The following AKT3 variants were observed in gnomAD, a reference collection of about 807,000 sequenced individuals.
AKT3 encodes AKT serine/threonine kinase 3.
A neutral mutation model predicts 65.3 loss-of-function variants in AKT3; 15 were observed. That is an observed-to-expected ratio of 0.23 (90% CI 0.15 to 0.35). AKT3 has a LOEUF of 0.35. Ranked by LOEUF, AKT3 falls within the 10% of genes least tolerant of loss-of-function variation. The pLI is 1.00. For synonymous variants in AKT3, 206 were observed against 183.8 expected, an observed-to-expected ratio of 1.12 and a Z score of -0.98; for missense variants, 243 against 576.5, an observed-to-expected ratio of 0.42 and a Z score of 5.92.
At chr1:243,850,284 G>A (rs925974575), upstream of AKT3, among the ~76,000 whole-genome samples, 40 of 146,828 alleles carry the variant, frequency 2.7e-4, 2 homozygotes, top group Admixed American at 1.7e-3. Flanking sequence ...GGGCCGCGGA[G>A]CTGGAGCGGG....
intron 2 of AKT3, among the ~76,000 whole-genome samples, chr1:243,707,735 A>G (rs750849212): frequency 3.3e-5 from 5 of 152,122 alleles, no homozygotes; most frequent in Non-Finnish European, 5.9e-5. Context: ...TACAAAAATT[A>G]ATCATCATCT....
At chr1:243,796,407 C>T (rs967843070) in intron 2 of AKT3, among the ~76,000 whole-genome samples, 1 of 152,232 alleles carries the variant, frequency 6.6e-6, no homozygotes, top group African/African-American at 2.4e-5. Flanking sequence ...CTTGTCCACA[C>T]AGCAGTCTGG....
At chr1:243,673,633 T>TTA (rs1245177630) in intron 3 of AKT3, among the ~76,000 whole-genome samples, 4 of 150,396 alleles carry the variant, frequency 2.7e-5, no homozygotes, top group Non-Finnish European at 4.4e-5. Flanking sequence ...TTTTTTTTTT[T>TTA]AGACAGAGTC....
chr1:243,577,002 C>A (rs1432647241), intron 8 of AKT3, among the ~76,000 whole-genome samples: 1 of 152,214 alleles, frequency 6.6e-6, no homozygotes, highest in East Asian at 1.9e-4. Flanking sequence ...GTAACCAAAA[C>A]AGCATGGTAC....
chr1:243,625,127 T>TGTG (rs1255824059), intron 6 of AKT3: 5 of 17,390 alleles, frequency 2.9e-4, no homozygotes, highest in African/African-American at 3.9e-4. Flanking sequence ...AGTTTGTGTT[T>TGTG]TTTTTTTTTT....
At chr1:243,574,603 G>A (rs190068900) in intron 8 of AKT3, among the ~76,000 whole-genome samples, 3 of 152,100 alleles carry the variant, frequency 2.0e-5, no homozygotes, top group East Asian at 1.9e-4. Flanking sequence ...TACAGTATGT[G>A]AAAAATCAAG....
intron 6 of AKT3, among the ~76,000 whole-genome samples, chr1:243,623,669 G>C (rs1396246041): frequency 6.6e-6 from 1 of 152,136 alleles, no homozygotes; most frequent in Non-Finnish European, 1.5e-5. Flanking sequence ...CCAAAACCCA[G>C]GTTCCTGGCC....
At chr1:243,607,802 G>T (rs1250464974) in intron 8 of AKT3, among the ~76,000 whole-genome samples, 2 of 152,058 alleles carry the variant, frequency 1.3e-5, no homozygotes, top group African/African-American at 2.4e-5. Context: ...GTCATGGGAG[G>T]GCCCTGGTGC....
chr1:243,500,568 A>G lies in AKT3; in HGVS notation c.*4681T>C, dbSNP rs1468951987. 4.4e-6 allele frequency: 1 copy of G among 228,506 alleles called. No individual in the cohort carries two copies. Among genetic ancestry groups the G allele is most frequent in the African/African-American group, 2.2e-5 (1 of 45,132 alleles). The allele number at this position is 228,506 out of a possible 1,614,324, so 14.2% of individuals were successfully genotyped here. On this transcript the variant is annotated 3_prime_UTR_variant, in exon 14 of 14. Transcript: ENST00000673466. ...TTAAGCCCTCAAATGCTTTAAAGTA[A>G]TAAAAACGGACACTGGACATACCGT...
Position 243,502,572 on chromosome 1 carries a change from T to A in AKT3, c.*2677A>T, listed in dbSNP as rs1017884421. The A allele has an allele frequency of 2.1e-5, 5 of 233,102 alleles. No individual in the cohort carries two copies. The highest frequency in any genetic ancestry group is 5.6e-5 in the Admixed American group (1 of 17,770). The allele number at this position is 233,102 out of a possible 1,614,324, so 14.4% of individuals were successfully genotyped here. A position where few individuals can be genotyped will look rare whatever the true frequency, so the allele number is the denominator to read the frequency against. ...TGTTCCACCTGCCAGAACCCAAAAC[T>A]ACAACTATGGGCGACACAAGGGAAG... On this transcript the variant is annotated 3_prime_UTR_variant, in exon 14 of 14. Transcript: ENST00000673466.
At chr1:243,844,556 G>A (rs1160260708) in intron 1 of AKT3, among the ~76,000 whole-genome samples, 2 of 152,058 alleles carry the variant, frequency 1.3e-5, no homozygotes. Context: ...ATAGCTCACT[G>A]CAGCCTCCAA....
intron 3 of AKT3, among the ~76,000 whole-genome samples, chr1:243,684,161 CTTT>C (rs571243072): frequency 1.3e-5 from 2 of 151,564 alleles, no homozygotes; most frequent in African/African-American, 2.4e-5. Flanking sequence ...ATGTTTTTTA[CTTT>C]TTTTTATTAT....
chr1:243,635,166 C>A (rs987194976), intron 6 of AKT3, among the ~76,000 whole-genome samples: 8 of 151,694 alleles, frequency 5.3e-5, no homozygotes, highest in Admixed American at 4.6e-4. Context: ...CAAGAAAATT[C>A]CCAAATTTGT....
At chr1:243,833,522 C>T (rs962144505) in intron 2 of AKT3, among the ~76,000 whole-genome samples, 3 of 152,000 alleles carry the variant, frequency 2.0e-5, no homozygotes, top group Admixed American at 1.3e-4. Context: ...CAATTACCTC[C>T]GCCTGGTCTC....
intron 1 of AKT3, among the ~76,000 whole-genome samples, chr1:243,845,485 C>T (rs2148482315): frequency 6.0e-5 from 1 of 16,626 alleles, no homozygotes; most frequent in Middle Eastern, 0.056. Flanking sequence ...CACCTGTAGT[C>T]CCAGCTACTC....
chr1:243,752,438 T>C (rs1688866637), intron 2 of AKT3, among the ~76,000 whole-genome samples: 1 of 152,232 alleles, frequency 6.6e-6, no homozygotes, highest in African/African-American at 2.4e-5. Flanking sequence ...GTACTGCCCA[T>C]GTTCATTACC....
intron 2 of AKT3, among the ~76,000 whole-genome samples, chr1:243,707,886 T>C (rs1031497448): frequency 6.6e-6 from 1 of 152,116 alleles, no homozygotes; most frequent in Non-Finnish European, 1.5e-5. Context: ...ACATAGCCAC[T>C]GCATATACAG....
chr1:243,536,313 G>A (rs749764909), intron 12 of AKT3, among the ~76,000 whole-genome samples: 8 of 151,948 alleles, frequency 5.3e-5, no homozygotes, highest in Non-Finnish European at 1.0e-4. Flanking sequence ...GTCAATCTCC[G>A]GAAGAATTTT....
chr1:243,514,408 C>T (rs1670210263), intron 12 of AKT3, among the ~76,000 whole-genome samples: 1 of 152,174 alleles, frequency 6.6e-6, no homozygotes, highest in Non-Finnish European at 1.5e-5. Flanking sequence ...TCAAATGCCA[C>T]GTGTACTGAG....
Sources: gnomAD v4.1 joint callset for allele counts (sites outside exome capture counted in the v4.1 genomes callset) on GRCh38, gnomAD v4.1.1 for gene constraint, MANE v1.5 for transcripts, NCBI Gene and HGNC (gene_info 2026-07-23, HGNC 2026-07-21) for gene names.